PCCA: variants seen among roughly 807,000 people sequenced by gnomAD.
PCCA encodes propionyl-CoA carboxylase subunit alpha.
PCCA carries 74 observed loss-of-function variants against 101.3 expected under a neutral mutation model. The observed-to-expected ratio is 0.73, with a 90% CI of 0.61 to 0.89. The LOEUF is 0.89. Among genes scored for constraint, PCCA ranks in the 40% least tolerant of loss-of-function variants. The pLI, the probability that PCCA is intolerant of heterozygous loss-of-function variation, is 0.00. For synonymous variants in PCCA, 294 were observed against 313.6 expected, an observed-to-expected ratio of 0.94 and a Z score of 0.66; for missense variants, 891 against 907.0, an observed-to-expected ratio of 0.98 and a Z score of 0.23.
chr13:100,232,915 G>A (rs1191004461), intron 7 of PCCA, among the ~76,000 whole-genome samples: 1 of 152,182 alleles, frequency 6.6e-6, no homozygotes, highest in Non-Finnish European at 1.5e-5. Flanking sequence ...GATAGTTATT[G>A]AATTAATGTA....
At chr13:100,149,372 CAT>C (rs2053012000) in intron 4 of PCCA, 1 of 151,998 alleles carries the variant, frequency 6.6e-6, no homozygotes, top group Non-Finnish European at 1.5e-5. Context: ...AGTACATTCA[CAT>C]TGTTGTGCAG....
At chr13:100,495,641 A>G (rs1020622128) in intron 21 of PCCA, among the ~76,000 whole-genome samples, 1 of 152,162 alleles carries the variant, frequency 6.6e-6, no homozygotes, top group Non-Finnish European at 1.5e-5. Flanking sequence ...AATTTGGGAG[A>G]TAGTGTCAGC....
intron 6 of PCCA, among the ~76,000 whole-genome samples, chr13:100,206,552 G>T (rs2058865531): frequency 6.6e-6 from 1 of 152,080 alleles, no homozygotes; most frequent in African/African-American, 2.4e-5. Context: ...GAGCCACTGT[G>T]CCCGGCCATT....
At chr13:100,353,782 A>G (rs1037053618) in intron 18 of PCCA, among the ~76,000 whole-genome samples, 4 of 151,988 alleles carry the variant, frequency 2.6e-5, no homozygotes, top group Non-Finnish European at 5.9e-5. Flanking sequence ...GTGAAACCCT[A>G]TCTCTATAAA....
chr13:100,287,851 C>T (rs1243242557), intron 12 of PCCA, among the ~76,000 whole-genome samples: 1 of 151,772 alleles, frequency 6.6e-6, no homozygotes, highest in African/African-American at 2.4e-5. Flanking sequence ...TTTAGAGATA[C>T]CTGTGGGTAG....
intron 7 of PCCA, among the ~76,000 whole-genome samples, chr13:100,216,065 C>G (rs1354007375): frequency 6.6e-6 from 1 of 151,738 alleles, no homozygotes; most frequent in Non-Finnish European, 1.5e-5. Context: ...CTTTCCCTTC[C>G]CCTTCCCCTC....
At chr13:100,100,280 T>C (rs1253552713) in intron 1 of PCCA, among the ~76,000 whole-genome samples, 1 of 152,188 alleles carries the variant, frequency 6.6e-6, no homozygotes, top group Non-Finnish European at 1.5e-5. Context: ...TTCTTTTCTA[T>C]GTGTGGAAAA....
At chr13:100,299,384 C>T (rs772959570) in intron 12 of PCCA, among the ~76,000 whole-genome samples, 4 of 152,282 alleles carry the variant, frequency 2.6e-5, no homozygotes, top group Non-Finnish European at 5.9e-5. Context: ...TTTTAAAAGA[C>T]ATGTATACAT....
At chr13:100,419,632 C>T (rs1051137026) in intron 19 of PCCA, among the ~76,000 whole-genome samples, 4 of 152,186 alleles carry the variant, frequency 2.6e-5, no homozygotes, top group Non-Finnish European at 5.9e-5. Flanking sequence ...GGAAGAGACA[C>T]AGTTAGGGAG....
chr13:100,482,653 G>T (rs775017682), intron 21 of PCCA, among the ~76,000 whole-genome samples: 10 of 152,212 alleles, frequency 6.6e-5, no homozygotes, highest in Non-Finnish European at 1.0e-4. Flanking sequence ...CAATGGTGCA[G>T]TCTCAGCTCA....
At chr13:100,310,830 G>A (rs2066854308) in intron 16 of PCCA, among the ~76,000 whole-genome samples, 2 of 152,206 alleles carry the variant, frequency 1.3e-5, no homozygotes, top group African/African-American at 2.4e-5. Flanking sequence ...TGTTGTATAG[G>A]TAGATTTTTC....
At chr13:100,224,181 C>T (rs947474170) in intron 7 of PCCA, among the ~76,000 whole-genome samples, 1 of 152,214 alleles carries the variant, frequency 6.6e-6, no homozygotes, top group African/African-American at 2.4e-5. Flanking sequence ...GCTGCAGGTC[C>T]CGAGCCCTGC....
At chr13:100,146,207 C>T (rs1023005057) in intron 4 of PCCA, among the ~76,000 whole-genome samples, 2 of 151,322 alleles carry the variant, frequency 1.3e-5, no homozygotes, top group Non-Finnish European at 2.9e-5. Flanking sequence ...TCCCAAAGTG[C>T]TGGGATTACA....
intron 4 of PCCA, among the ~76,000 whole-genome samples, chr13:100,118,482 G>C (rs2049041247): frequency 6.6e-6 from 1 of 152,030 alleles, no homozygotes; most frequent in Non-Finnish European, 1.5e-5. Context: ...GCTTTGTATG[G>C]AATCTATTTT....
chr13:100,497,553 C>T (rs983934587), intron 21 of PCCA, among the ~76,000 whole-genome samples: 3 of 151,804 alleles, frequency 2.0e-5, no homozygotes, highest in Admixed American at 6.6e-5. Context: ...AGGACTTTTC[C>T]AGGCTCCTGT....
intron 4 of PCCA, among the ~76,000 whole-genome samples, chr13:100,153,082 A>T (rs935783683): frequency 6.6e-6 from 1 of 152,204 alleles, no homozygotes; most frequent in Admixed American, 6.5e-5. Context: ...TGAAAAAAAA[A>T]TAATAAAAGT....
At chr13:100,363,985 C>A (rs557494317) in intron 18 of PCCA, among the ~76,000 whole-genome samples, 1 of 152,310 alleles carries the variant, frequency 6.6e-6, no homozygotes, top group Non-Finnish European at 1.5e-5. Context: ...CGAGCATATT[C>A]ATCCTGGCTG....
intron 16 of PCCA, among the ~76,000 whole-genome samples, chr13:100,311,726 C>T (rs9557415): frequency 0.3 from 45,227 of 151,948 alleles, 8,274 homozygotes; most frequent in Middle Eastern, 0.47. Context: ...GATGAGATCG[C>T]GCCATCACAC....
rs1261455662 is a variant in PCCA, at chr13:100,273,127, A to G, written c.915-69A>G. The G allele has an allele frequency of 4.4e-6, 5 of 1,127,390 alleles. No individual in the cohort carries two copies. The African/African-American group carries it at 6.1e-5, about 14-fold the overall frequency. The allele number at this position is 1,127,390 out of a possible 1,614,324, so 69.8% of individuals were successfully genotyped here. A position where few individuals can be genotyped will look rare whatever the true frequency, so the allele number is the denominator to read the frequency against. ...CTGAGTAAACTTTAAGAAAATGTTTATGTAATGCACACAAAAGATAACTTG... is the reference window on the plus strand; with the variant it reads ...CTGAGTAAACTTTAAGAAAATGTTTGTGTAATGCACACAAAAGATAACTTG... On this transcript the variant is annotated intron_variant, in intron 11 of 23. Coordinates refer to ENST00000376285, the MANE Select transcript of PCCA (RefSeq NM_000282.4).
Sources: allele counts gnomAD v4.1 joint callset (sites outside exome capture counted in the v4.1 genomes callset), GRCh38; gene constraint gnomAD v4.1.1; transcripts MANE v1.5; gene names NCBI Gene and HGNC (gene_info 2026-07-23, HGNC 2026-07-21).